Variants in CTNNA2 observed in about 807,000 individuals in gnomAD.
CTNNA2 encodes the protein catenin alpha 2, also known as catenin alpha-2.
Under a neutral mutation model 101.0 loss-of-function variants are expected in CTNNA2, and 42 were observed. The observed-to-expected ratio is 0.42, with a 90% CI of 0.32 to 0.54. CTNNA2 has a LOEUF of 0.54. Among genes scored for constraint, CTNNA2 ranks in the 20% least tolerant of loss-of-function variants. The pLI is 0.14. For missense variants in CTNNA2, 871 were observed against 1,223.1 expected (o/e 0.71, Z 4.29); for synonymous variants, 450 against 456.4 (o/e 0.99, Z 0.18).
chr2:79,422,492 A>G (rs1221932288), intron 4 of CTNNA2, among the ~76,000 whole-genome samples: 1 of 152,166 alleles, frequency 6.6e-6, no homozygotes, highest in East Asian at 1.9e-4. Flanking sequence ...AAACTGACAA[A>G]TGTATGCTAG....
chr2:79,415,906 A>T (rs1035561044), intron 4 of CTNNA2, among the ~76,000 whole-genome samples: 1 of 152,154 alleles, frequency 6.6e-6, no homozygotes, highest in African/African-American at 2.4e-5. Flanking sequence ...TATTCCTTGG[A>T]AGTAAATATT....
chr2:79,530,449 T>C (rs6707703), intron 1 of CTNNA2, among the ~76,000 whole-genome samples: 36,600 of 151,592 alleles, frequency 0.24, 4,773 homozygotes, highest in Middle Eastern at 0.35. Flanking sequence ...CTGCACAATC[T>C]GAATAGTGAA....
chr2:79,301,327 G>A (rs1392782965), intron 2 of CTNNA2, among the ~76,000 whole-genome samples: 2 of 152,136 alleles, frequency 1.3e-5, no homozygotes, highest in East Asian at 3.9e-4. Context: ...ATATAACACA[G>A]TTTACAGATA....
chr2:79,294,201 GAGA>G (rs146454490), intron 2 of CTNNA2, among the ~76,000 whole-genome samples: 7 of 145,392 alleles, frequency 4.8e-5, no homozygotes, highest in Admixed American at 2.8e-4. Context: ...GAGAGAGAGA[GAGA>G]AGAAGAAGAG....
intron 6 of CTNNA2, among the ~76,000 whole-genome samples, chr2:79,878,778 T>A (rs1382446781): frequency 6.6e-6 from 1 of 152,212 alleles, no homozygotes; most frequent in Non-Finnish European, 1.5e-5. Flanking sequence ...GTAGATTGCC[T>A]GTTCACTCTG....
chr2:80,308,039 G>A (rs1278014075), intron 7 of CTNNA2, among the ~76,000 whole-genome samples: 3 of 152,182 alleles, frequency 2.0e-5, no homozygotes, highest in Non-Finnish European at 4.4e-5. Context: ...GCTTGACGGA[G>A]GGAAGAGTCG....
chr2:80,565,343 A>G (rs1229615207), intron 12 of CTNNA2, among the ~76,000 whole-genome samples: 1 of 152,120 alleles, frequency 6.6e-6, no homozygotes, highest in Non-Finnish European at 1.5e-5. Flanking sequence ...CTGAGGGCAG[A>G]TTATTTCACA....
chr2:80,186,626 C>G (rs1265721275), intron 7 of CTNNA2, among the ~76,000 whole-genome samples: 1 of 152,188 alleles, frequency 6.6e-6, no homozygotes, highest in Non-Finnish European at 1.5e-5. Context: ...TTTCCTGCCA[C>G]TTGTAAATAT....
chr2:80,551,997 A>G (rs1454157736), intron 11 of CTNNA2, among the ~76,000 whole-genome samples: 5 of 152,022 alleles, frequency 3.3e-5, no homozygotes, highest in African/African-American at 9.7e-5. Flanking sequence ...AATAGGCCTA[A>G]TTTTAATATT....
rs144008743 is a variant in CTNNA2 at position 80,637,782 on chromosome 2, T to G, written c.2575-9803T>G. 6.6e-3 allele frequency among the ~76,000 whole-genome samples: 1,011 copies of G among 152,160 alleles called. 2 individuals are homozygous for G. The highest frequency in any genetic ancestry group is 9.9e-3 in the Non-Finnish European group (676 of 68,010). On this transcript the variant is annotated intron_variant, in intron 18 of 18. Coordinates refer to ENST00000402739, the MANE Select transcript of CTNNA2 (RefSeq NM_001282597.3). Reference sequence around the variant, plus strand: ...AAGAATGAGGAAGGATCGTTCCAGATCTTCAGATTTTGCTAATTTTCCAGG... The same window carrying G: ...AAGAATGAGGAAGGATCGTTCCAGAGCTTCAGATTTTGCTAATTTTCCAGG...
At chr2:79,355,841 T>C (rs76671840) in intron 3 of CTNNA2, among the ~76,000 whole-genome samples, 3,806 of 152,248 alleles carry the variant, frequency 0.025, 161 homozygotes, top group African/African-American at 0.087. Context: ...AATTTATCTG[T>C]TGATGGACAT....
intron 9 of CTNNA2, among the ~76,000 whole-genome samples, chr2:80,444,611 C>A (rs1682913031): frequency 6.6e-6 from 1 of 152,154 alleles, no homozygotes; most frequent in African/African-American, 2.4e-5. Flanking sequence ...CATGATCATA[C>A]ATGGAGATAG....
intron 3 of CTNNA2, among the ~76,000 whole-genome samples, chr2:79,807,620 T>A (rs989994291): frequency 6.6e-6 from 1 of 152,204 alleles, no homozygotes; most frequent in Non-Finnish European, 1.5e-5. Context: ...TTGAAAGTTA[T>A]TAAAGTTTCT....
intron 7 of CTNNA2, among the ~76,000 whole-genome samples, chr2:80,199,418 T>C (rs901166593): frequency 3.3e-5 from 5 of 152,144 alleles, no homozygotes; most frequent in African/African-American, 1.2e-4. Flanking sequence ...CTTTTTAATA[T>C]GGCAGTATAA....
At chr2:80,047,969 T>C (rs959150670) in intron 7 of CTNNA2, among the ~76,000 whole-genome samples, 18 of 152,206 alleles carry the variant, frequency 1.2e-4, no homozygotes, top group African/African-American at 3.9e-4. Context: ...TGAAAATTCA[T>C]GTTTGTGTGT....
At chr2:79,983,165 T>G (rs2103847036) in intron 7 of CTNNA2, among the ~76,000 whole-genome samples, 1 of 149,210 alleles carries the variant, frequency 6.7e-6, no homozygotes, top group South Asian at 2.1e-4. Flanking sequence ...ATATCACATC[T>G]ATATTAATAC....
chr2:79,248,245 A>G (rs984328655), intron 2 of CTNNA2, among the ~76,000 whole-genome samples: 1 of 152,302 alleles, frequency 6.6e-6, no homozygotes, highest in Middle Eastern at 3.4e-3. Flanking sequence ...TTCATTGGTA[A>G]CATAATGCAG....
intron 4 of CTNNA2, among the ~76,000 whole-genome samples, chr2:79,858,605 G>T: frequency 6.6e-6 from 1 of 152,132 alleles, no homozygotes; most frequent in South Asian, 2.1e-4. Context: ...ATTACATGTT[G>T]AATATATTTT....
intron 7 of CTNNA2, among the ~76,000 whole-genome samples, chr2:79,981,947 A>T (rs576754158): frequency 1.3e-5 from 2 of 151,948 alleles, no homozygotes; most frequent in South Asian, 4.1e-4. Context: ...ATTAGGATAA[A>T]TAAAGATAAT....
Sources: allele counts gnomAD v4.1 joint callset (sites outside exome capture counted in the v4.1 genomes callset), GRCh38; gene constraint gnomAD v4.1.1; transcripts MANE v1.5; gene names NCBI Gene and HGNC (gene_info 2026-07-23, HGNC 2026-07-21).